The following DMD variants were observed in gnomAD, a reference collection of about 807,000 sequenced individuals.
DMD encodes dystrophin.
Under a neutral mutation model 330.1 loss-of-function variants are expected in DMD, and 63 were observed. The ratio of observed to expected loss-of-function variants is 0.19; its 90% confidence interval spans 0.16 to 0.24. DMD has a LOEUF of 0.24. DMD is among the 10% of genes least tolerant of loss of function. The probability of loss-of-function intolerance (pLI) is 1.00; values close to 1 mark genes in which losing one functional copy is unlikely to be tolerated. For missense variants in DMD, 3,344 were observed against 2,684.1 expected (o/e 1.25, Z -5.43); for synonymous variants, 1,223 against 959.8 (o/e 1.27, Z -5.07).
intron 18 of DMD, among the ~76,000 whole-genome samples, chrX:32,505,946 C>T (rs957977142): frequency 1.8e-5 from 2 of 111,808 alleles, no homozygotes; most frequent in African/African-American, 6.5e-5. Context: ...ATTCCAATTC[C>T]GAATATATGA....
chrX:32,755,643 T>C (rs774536738), intron 7 of DMD, among the ~76,000 whole-genome samples: 1 of 112,310 alleles, frequency 8.9e-6, no homozygotes. Context: ...ATTATTTGCT[T>C]GCCAGGTATA....
At chrX:32,371,508 T>C (rs151326502) in intron 34 of DMD, among the ~76,000 whole-genome samples, 1,303 of 111,125 alleles carry the variant, frequency 0.012, 10 homozygotes, top group South Asian at 0.073. Context: ...TTAATGGAAC[T>C]AAATTATTTA....
At chrX:31,509,799 G>T (rs2071309032) in intron 55 of DMD, among the ~76,000 whole-genome samples, 1 of 112,121 alleles carries the variant, frequency 8.9e-6, no homozygotes, top group East Asian at 2.8e-4. Context: ...ATTTATTGAG[G>T]ACTGATTTAT....
At chrX:31,140,567 C>T (rs181670302) in intron 76 of DMD, among the ~76,000 whole-genome samples, 75 of 111,925 alleles carry the variant, frequency 6.7e-4, no homozygotes, top group African/African-American at 2.2e-3. Context: ...AGGACCGATG[C>T]TTTCAATTTC....
At chrX:33,239,041 G>A (rs1362310446) in intron 1 of DMD, among the ~76,000 whole-genome samples, 1 of 109,228 alleles carries the variant, frequency 9.2e-6, no homozygotes, top group Non-Finnish European at 1.9e-5. Flanking sequence ...TAGATCACTT[G>A]AGGTCAGGAG....
intron 69 of DMD, among the ~76,000 whole-genome samples, chrX:31,179,865 T>C (rs1451631453): frequency 1.8e-5 from 2 of 112,128 alleles, no homozygotes; most frequent in Admixed American, 1.9e-4. Flanking sequence ...AGTACTTATT[T>C]TACACAGGGT....
chrX:32,953,264 T>A (rs1424384661), intron 2 of DMD, among the ~76,000 whole-genome samples: 1 of 110,946 alleles, frequency 9.0e-6, no homozygotes, highest in East Asian at 2.8e-4. Flanking sequence ...AAAGATGAAC[T>A]AATACATAAT....
intron 2 of DMD, among the ~76,000 whole-genome samples, chrX:32,931,910 C>CT (rs2089627853): frequency 8.9e-6 from 1 of 111,777 alleles, no homozygotes; most frequent in Non-Finnish European, 1.9e-5. Context: ...TCAGTGGTAG[C>CT]TATGACAAAT....
intron 47 of DMD, among the ~76,000 whole-genome samples, chrX:31,898,998 C>T (rs184523925): frequency 4.3e-4 from 48 of 111,602 alleles, no homozygotes; most frequent in African/African-American, 1.5e-3. Context: ...TTAATTTCTT[C>T]CAAACAATGA....
intron 27 of DMD, among the ~76,000 whole-genome samples, chrX:32,443,278 C>G (rs964526075): frequency 9.0e-6 from 1 of 111,023 alleles, no homozygotes; most frequent in African/African-American, 3.3e-5. Flanking sequence ...ACAGAGTATT[C>G]GATCTCTATC....
intron 43 of DMD, among the ~76,000 whole-genome samples, chrX:32,245,577 A>T (rs2097232552): frequency 1.2e-5 from 1 of 82,621 alleles, no homozygotes; most frequent in Admixed American, 1.4e-4. Flanking sequence ...CACGATATTG[A>T]TTCTTCCTAC....
At chrX:32,730,818 C>A (rs990466533) in intron 7 of DMD, among the ~76,000 whole-genome samples, 1 of 111,490 alleles carries the variant, frequency 9.0e-6, no homozygotes, top group Admixed American at 9.5e-5. Flanking sequence ...AATTTTCAGC[C>A]ATGAGCAGAA....
chrX:31,356,615 C>T (rs2058687901), intron 60 of DMD, among the ~76,000 whole-genome samples: 2 of 112,149 alleles, frequency 1.8e-5, no homozygotes, highest in African/African-American at 6.5e-5. Flanking sequence ...AAACAGCAAG[C>T]TCTTTGTCCG....
rs575744285 is a variant in DMD, at chrX:32,705,083, T to C, written c.650-5790A>G. Among the ~76,000 whole-genome samples the C allele has an allele frequency of 4.5e-5, 5 of 112,320 alleles. No homozygotes were observed. The South Asian group carries it at 1.8e-3, about 41-fold the overall frequency. ...TTTGTATTTGGCATTCAGCACTGACTGCATTGTACATACATGTATTCTCTA... is the reference window on the plus strand; with the variant it reads ...TTTGTATTTGGCATTCAGCACTGACCGCATTGTACATACATGTATTCTCTA... On this transcript the variant is annotated intron_variant, in intron 7 of 78. Coordinates refer to ENST00000357033, the MANE Select transcript of DMD (RefSeq NM_004006.3).
At chrX:33,305,020 G>A (rs2148942262) in intron 1 of DMD, among the ~76,000 whole-genome samples, 1 of 109,182 alleles carries the variant, frequency 9.2e-6, no homozygotes, top group East Asian at 2.9e-4. Context: ...GATTCCTCAG[G>A]GATCTAGAAC....
At chrX:31,198,713 T>A (rs2043150783) in intron 67 of DMD, among the ~76,000 whole-genome samples, 1 of 112,288 alleles carries the variant, frequency 8.9e-6, no homozygotes, top group Non-Finnish European at 1.9e-5. Flanking sequence ...TATAATCTCT[T>A]CTTACGTTGA....
At chrX:32,681,042 TC>T (rs891820850) in intron 9 of DMD, among the ~76,000 whole-genome samples, 1 of 112,478 alleles carries the variant, frequency 8.9e-6, no homozygotes, top group African/African-American at 3.2e-5. Context: ...CTTTATCTAA[TC>T]TTTTTGCTAT....
chrX:32,350,624 G>A, intron 37 of DMD, among the ~76,000 whole-genome samples: 1 of 111,303 alleles, frequency 9.0e-6, no homozygotes, highest in East Asian at 2.8e-4. Context: ...GCTTTGAAAA[G>A]ATGTAAAATC....
At chrX:33,109,790 T>A (rs2148425781) in intron 1 of DMD, among the ~76,000 whole-genome samples, 1 of 111,104 alleles carries the variant, frequency 9.0e-6, no homozygotes, top group East Asian at 2.8e-4. Context: ...AGCTTTGATC[T>A]CTTCTTTGAT....
Sources: allele counts gnomAD v4.1 joint callset (sites outside exome capture counted in the v4.1 genomes callset), GRCh38; gene constraint gnomAD v4.1.1; transcripts MANE v1.5; gene names NCBI Gene and HGNC (gene_info 2026-07-23, HGNC 2026-07-21).